Variants in EPC1 observed in about 807,000 individuals in gnomAD.
The protein encoded by EPC1 is enhancer of polycomb homolog 1.
A neutral mutation model predicts 98.4 loss-of-function variants in EPC1; 12 were observed. The ratio of observed to expected loss-of-function variants is 0.12; its 90% confidence interval spans 0.08 to 0.20. EPC1 has a LOEUF of 0.20. EPC1 is among the 10% of genes least tolerant of loss of function. EPC1 has a pLI of 1.00. For synonymous variants in EPC1, 357 were observed against 363.9 expected, an observed-to-expected ratio of 0.98 and a Z score of 0.21; for missense variants, 729 against 990.5, an observed-to-expected ratio of 0.74 and a Z score of 3.54.
intron 10 of EPC1, among the ~76,000 whole-genome samples, chr10:32,274,419 T>A (rs949561182): frequency 1.3e-5 from 2 of 152,192 alleles, no homozygotes; most frequent in African/African-American, 4.8e-5. Flanking sequence ...AATCTTTCTT[T>A]ATCCTCCAGG....
chr10:32,332,320 A>C (rs965409150), intron 1 of EPC1, among the ~76,000 whole-genome samples: 1 of 152,156 alleles, frequency 6.6e-6, no homozygotes, highest in African/African-American at 2.4e-5. Context: ...GCCCACTGAG[A>C]GAGCATGAAG....
intron 2 of EPC1, among the ~76,000 whole-genome samples, chr10:32,294,064 G>T (rs1451868664): frequency 2.0e-5 from 3 of 152,170 alleles, no homozygotes; most frequent in African/African-American, 4.8e-5. Context: ...TGAACCATGT[G>T]AAGTGCCATT....
chr10:32,378,398 A>C, intron 1 of EPC1: 4 of 1,035,622 alleles, frequency 3.9e-6, no homozygotes, highest in East Asian at 2.7e-5. Flanking sequence ...AAAAATACAA[A>C]GATTGGTTTT....
rs1411267988 is a variant in EPC1 at position 32,362,889 on chromosome 10, ACTT to A, written c.3+15599_3+15601del. On this transcript the variant is annotated intron_variant, in intron 1 of 13. Transcript: ENST00000375110. ...AGTACCCTTAAGGCAGGAAGCCTGTACTTCTTCTCCTAAGCTAGCTTTAGGAAC... is the reference window on the plus strand; with the variant it reads ...AGTACCCTTAAGGCAGGAAGCCTGTACTTCTCCTAAGCTAGCTTTAGGAAC... Among the ~76,000 whole-genome samples the A allele has an allele frequency of 5.3e-5, 8 of 152,286 alleles. 1 individual carries two copies. The South Asian group carries it at 1.0e-3, about 20-fold the overall frequency.
intron 1 of EPC1, among the ~76,000 whole-genome samples, chr10:32,326,459 A>G (rs151335318): frequency 1.1e-3 from 171 of 152,322 alleles, no homozygotes; most frequent in Non-Finnish European, 2.0e-3. Context: ...TGTGACAAGA[A>G]TAAGAAAAAA....
chr10:32,339,995 A>G (rs1374472218), intron 1 of EPC1, among the ~76,000 whole-genome samples: 1 of 152,230 alleles, frequency 6.6e-6, no homozygotes, highest in Non-Finnish European at 1.5e-5. Context: ...ATTAGAACCT[A>G]TATTAAATCA....
intron 1 of EPC1, among the ~76,000 whole-genome samples, chr10:32,371,857 C>T (rs551906428): frequency 1.3e-5 from 2 of 151,990 alleles, no homozygotes; most frequent in Non-Finnish European, 2.9e-5. Context: ...GAGCCAAGAT[C>T]GAGCCACTGC....
intron 1 of EPC1, among the ~76,000 whole-genome samples, chr10:32,333,083 T>C (rs944645534): frequency 4.6e-5 from 7 of 152,212 alleles, no homozygotes; most frequent in Non-Finnish European, 8.8e-5. Flanking sequence ...GGCTCACGCC[T>C]GTAATCCCAG....
chr10:32,288,311 T>G (rs1449558614), intron 6 of EPC1, among the ~76,000 whole-genome samples: 1 of 141,798 alleles, frequency 7.1e-6, no homozygotes, highest in Non-Finnish European at 1.5e-5. Context: ...ATTACTTTTT[T>G]CTTTTTTTTT....
chr10:32,341,884 G>A (rs1045693540), intron 1 of EPC1, among the ~76,000 whole-genome samples: 2 of 152,096 alleles, frequency 1.3e-5, no homozygotes, highest in Non-Finnish European at 2.9e-5. Context: ...GCCCATTACC[G>A]ATACTTTGAG....
chr10:32,367,068 T>C (rs952400038), intron 1 of EPC1, among the ~76,000 whole-genome samples: 6 of 152,242 alleles, frequency 3.9e-5, no homozygotes, highest in Non-Finnish European at 8.8e-5. Flanking sequence ...CAATCTTGGC[T>C]CACTGCAACC....
intron 1 of EPC1, among the ~76,000 whole-genome samples, chr10:32,346,307 G>A (rs1838801428): frequency 6.6e-6 from 1 of 152,172 alleles, no homozygotes; most frequent in South Asian, 2.1e-4. Flanking sequence ...GGCCCGGGCA[G>A]CGGCGCGCAG....
At chr10:32,346,079 C>T (rs537372317) in intron 1 of EPC1, among the ~76,000 whole-genome samples, 2 of 152,312 alleles carry the variant, frequency 1.3e-5, no homozygotes, top group South Asian at 4.1e-4. Context: ...AGAAAGAGGA[C>T]ACTGAAAGTA....
intron 1 of EPC1, among the ~76,000 whole-genome samples, chr10:32,376,365 C>T (rs12261158): frequency 0.05 from 7,576 of 152,026 alleles, 624 homozygotes; most frequent in African/African-American, 0.17. Flanking sequence ...TTTAGCAATA[C>T]ATGTGTTGGA....
intron 12 of EPC1, 33 bp downstream of exon 12, chr10:32,271,993 T>C (rs778463304): frequency 6.2e-7 from 1 of 1,601,146 alleles, no homozygotes; most frequent in South Asian, 1.1e-5. Flanking sequence ...GTTATAAATA[T>C]AACCCAAACA....
In EPC1 at chr10:32,286,790, C is replaced by T. The variant is rs377106232; in HGVS notation, c.1295G>A (p.Gly432Glu). 3.7e-6 allele frequency: 6 copies of T among 1,614,070 alleles called. No individual in the cohort carries two copies. Among genetic ancestry groups the T allele is most frequent in the Non-Finnish European group, 5.1e-6 (6 of 1,180,006 alleles). The change falls in exon 9 of 14, where the codon GGA (glycine) becomes GAA (glutamate). Residue 432 changes from glycine (G) to glutamate (E), a missense_variant. Gly to Glu is a moderately conservative substitution (Grantham distance 98). Around this residue, in one of 6 missense-constraint regions of EPC1, gnomAD observed 390 missense variants for 438.6 expected, o/e 0.89. Coordinates refer to ENST00000319778, the MANE Select transcript of EPC1 (RefSeq NM_001272004.3). ...GTATCTATATCGCACATCCCCTAAT[C>T]CTCCATCTTTAGGACTAGTCCAAGG... ...NWPWTSPKDGGLGDVRYRYCL... is the reference protein window; with the variant it reads ...NWPWTSPKDGELGDVRYRYCL...
At chr10:32,320,853 C>T (rs1432477595) in intron 1 of EPC1, among the ~76,000 whole-genome samples, 2 of 152,188 alleles carry the variant, frequency 1.3e-5, no homozygotes, top group African/African-American at 4.8e-5. Flanking sequence ...TCCCAAAGTA[C>T]TGGGATTACA....
At position 32,273,050 on chromosome 10, in the gene EPC1, A is replaced by G. The variant is rs751179418; in HGVS notation, c.1863+113T>C. On this transcript the variant is annotated intron_variant, in intron 11 of 13. Coordinates refer to ENST00000319778, the MANE Select transcript of EPC1 (RefSeq NM_001272004.3). ...TTTCTAAACCCTGTATATTCAGGCG[A>G]AAGCCACTTTTCTGCTGGTTAGATG... 7 of 1,614,196 alleles carry G rather than the reference A, an allele frequency of 4.3e-6. 1 individual carries two copies. The Middle Eastern group carries it at 8.2e-4, about 190-fold the overall frequency.
intron 1 of EPC1, among the ~76,000 whole-genome samples, chr10:32,376,887 G>A (rs1839881751): frequency 6.6e-6 from 1 of 152,032 alleles, no homozygotes; most frequent in African/African-American, 2.4e-5. Context: ...ACGCTTTAGG[G>A]TTCAATTACT....
Sources: gnomAD v4.1 joint callset for allele counts (sites outside exome capture counted in the v4.1 genomes callset) on GRCh38, gnomAD v4.1.1 for gene constraint, gnomAD v4.1.1 regional missense constraint, MANE v1.5 for transcripts, NCBI Gene and HGNC (gene_info 2026-07-23, HGNC 2026-07-21) for gene names.